GABRG3: variants seen among roughly 807,000 people sequenced by gnomAD.
GABRG3 encodes the protein gamma-aminobutyric acid type A receptor subunit gamma3.
GABRG3 carries 25 observed loss-of-function variants against 48.8 expected under a neutral mutation model. The ratio of observed to expected loss-of-function variants is 0.51; its 90% confidence interval spans 0.37 to 0.72. GABRG3 has a LOEUF of 0.72. Ranked by LOEUF, GABRG3 falls within the 30% of genes least tolerant of loss-of-function variation. The probability of loss-of-function intolerance (pLI) is 0.00; values close to 1 mark genes in which losing one functional copy is unlikely to be tolerated. For missense variants in GABRG3, 394 were observed against 577.9 expected (o/e 0.68, Z 3.26); for synonymous variants, 227 against 217.6 (o/e 1.04, Z -0.38).
intron 3 of GABRG3, among the ~76,000 whole-genome samples, chr15:27,059,530 CA>C (rs1444658137): frequency 5.3e-5 from 8 of 152,170 alleles, no homozygotes; most frequent in Non-Finnish European, 1.5e-5. Flanking sequence ...GATCAATAAA[CA>C]TTGAATTGGA....
chr15:27,480,973 G>C, intron 6 of GABRG3, 186 bp downstream of exon 6: 2 of 1,379,650 alleles, frequency 1.4e-6, no homozygotes, highest in Non-Finnish European at 1.9e-6. Flanking sequence ...AGGGATGTTA[G>C]AAATAATTCA....
chr15:27,461,759 A>T (rs1328864025), intron 5 of GABRG3, among the ~76,000 whole-genome samples: 1 of 152,116 alleles, frequency 6.6e-6, no homozygotes, highest in East Asian at 1.9e-4. Flanking sequence ...AGACAGAAAA[A>T]TTCGCCAAGT....
chr15:27,055,262 C>T (rs964784137), intron 3 of GABRG3, among the ~76,000 whole-genome samples: 3 of 152,052 alleles, frequency 2.0e-5, no homozygotes, highest in East Asian at 1.9e-4. Context: ...GCTTTCACCC[C>T]GTAACATCTT....
intron 3 of GABRG3, among the ~76,000 whole-genome samples, chr15:27,069,962 A>G (rs1052086680): frequency 9.2e-5 from 14 of 152,240 alleles, no homozygotes; most frequent in South Asian, 4.1e-4. Flanking sequence ...TGGTAATTCT[A>G]TCGTTTCCAT....
At chr15:27,148,025 TG>T (rs1898241366) in intron 3 of GABRG3, among the ~76,000 whole-genome samples, 1 of 151,884 alleles carries the variant, frequency 6.6e-6, no homozygotes, top group African/African-American at 2.4e-5. Context: ...AACCAAAAGT[TG>T]TTTTTTTGAA....
intron 3 of GABRG3, among the ~76,000 whole-genome samples, chr15:27,311,453 G>A (rs1206881825): frequency 6.6e-6 from 1 of 152,092 alleles, no homozygotes; most frequent in Non-Finnish European, 1.5e-5. Flanking sequence ...GAGTGCTGAT[G>A]CACCTGCATC....
intron 3 of GABRG3, among the ~76,000 whole-genome samples, chr15:27,169,276 T>C (rs1039203111): frequency 6.6e-6 from 1 of 152,160 alleles, no homozygotes; most frequent in African/African-American, 2.4e-5. Context: ...TGTTGGAACC[T>C]GGAGGAATAT....
chr15:27,106,881 C>G (rs897456316), intron 3 of GABRG3, among the ~76,000 whole-genome samples: 16 of 152,046 alleles, frequency 1.1e-4, no homozygotes, highest in African/African-American at 3.6e-4. Flanking sequence ...GTTCAATAAA[C>G]AATCTAGCCC....
chr15:26,995,634 G>A (rs980326639), intron 2 of GABRG3, among the ~76,000 whole-genome samples: 1 of 151,590 alleles, frequency 6.6e-6, no homozygotes, highest in East Asian at 1.9e-4. Context: ...GCCTGTAACA[G>A]TAGGCTTGTC....
chr15:27,450,799 T>C (rs924692035), intron 5 of GABRG3, among the ~76,000 whole-genome samples: 1 of 152,116 alleles, frequency 6.6e-6, no homozygotes, highest in Non-Finnish European at 1.5e-5. Context: ...AATGACATGA[T>C]CTTATATGTA....
At chr15:27,160,276 T>C (rs1273286221) in intron 3 of GABRG3, among the ~76,000 whole-genome samples, 1 of 152,144 alleles carries the variant, frequency 6.6e-6, no homozygotes, top group Non-Finnish European at 1.5e-5. Flanking sequence ...GGGCCATCTT[T>C]CCTTAGGTCA....
intron 3 of GABRG3, among the ~76,000 whole-genome samples, chr15:27,069,163 C>T (rs1037874790): frequency 2.0e-5 from 3 of 152,228 alleles, no homozygotes; most frequent in African/African-American, 7.2e-5. Context: ...GCCCTTGAGA[C>T]ATGGGTCTGC....
At chr15:27,230,964 G>T (rs1889776644) in intron 3 of GABRG3, among the ~76,000 whole-genome samples, 1 of 151,168 alleles carries the variant, frequency 6.6e-6, no homozygotes, top group African/African-American at 2.4e-5. Flanking sequence ...GAATGTAATT[G>T]TTAAACTATA....
intron 3 of GABRG3, among the ~76,000 whole-genome samples, chr15:27,036,864 C>T (rs1036696556): frequency 6.6e-6 from 1 of 152,138 alleles, no homozygotes; most frequent in African/African-American, 2.4e-5. Flanking sequence ...GAGTCTCATC[C>T]TCCAGTTCCT....
intron 5 of GABRG3, among the ~76,000 whole-genome samples, chr15:27,348,210 C>T (rs1238481192): frequency 1.3e-5 from 2 of 149,872 alleles, no homozygotes; most frequent in Non-Finnish European, 2.9e-5. Flanking sequence ...AACTTGAAAC[C>T]AAAGATTGCT....
intron 3 of GABRG3, chr15:27,160,886 A>C (rs976278706): frequency 1.3e-5 from 2 of 151,920 alleles, no homozygotes; most frequent in Admixed American, 6.6e-5. Flanking sequence ...GCTTGTTAGT[A>C]TTTCCAGGTC....
At chr15:27,061,409 T>A (rs544818648) in intron 3 of GABRG3, among the ~76,000 whole-genome samples, 1 of 151,758 alleles carries the variant, frequency 6.6e-6, no homozygotes, top group African/African-American at 2.4e-5. Context: ...TTAATAAGTC[T>A]ATCGTAACAA....
chr15:27,183,886 G>A (rs1349431115), intron 3 of GABRG3, among the ~76,000 whole-genome samples: 1 of 152,164 alleles, frequency 6.6e-6, no homozygotes, highest in African/African-American at 2.4e-5. Context: ...CCTATGCATG[G>A]TTATTCATCA....
intron 5 of GABRG3, among the ~76,000 whole-genome samples, chr15:27,377,288 G>A (rs1182568547): frequency 6.6e-6 from 1 of 152,096 alleles, no homozygotes; most frequent in Non-Finnish European, 1.5e-5. Context: ...CTTCTTCTGA[G>A]CCCTCCAAAC....
Sources: gnomAD v4.1 joint callset for allele counts (sites outside exome capture counted in the v4.1 genomes callset) on GRCh38, gnomAD v4.1.1 for gene constraint, MANE v1.5 for transcripts, NCBI Gene and HGNC (gene_info 2026-07-23, HGNC 2026-07-21) for gene names.